ELP5: variants seen among roughly 807,000 people sequenced by gnomAD.
ELP5 encodes the protein elongator acetyltransferase complex subunit 5, also known as elongator complex protein 5.
ELP5 carries 34 observed loss-of-function variants against 33.4 expected under a neutral mutation model. That is an observed-to-expected ratio of 1.02 (90% confidence interval 0.78 to 1.36). The LOEUF (loss-of-function observed/expected upper bound fraction) is 1.36. ELP5 is among the 40% of genes most tolerant of loss of function. ELP5 has a pLI of 0.00. For missense variants in ELP5, 373 were observed against 371.7 expected, an observed-to-expected ratio of 1.00 and a Z score of -0.03; for synonymous variants, 161 against 146.4, an observed-to-expected ratio of 1.10 and a Z score of -0.72.
chr17:7,255,467 G>T (rs1208799231), intron 4 of ELP5, among the ~76,000 whole-genome samples: 3 of 151,816 alleles, frequency 2.0e-5, no homozygotes, highest in Non-Finnish European at 4.4e-5. Flanking sequence ...GGTGGAGCTT[G>T]CAGTGAGCTG....
chr17:7,259,538 T>G, intron 7 of ELP5, 33 bp from the exon 8 acceptor site: 1 of 1,613,344 alleles, frequency 6.2e-7, no homozygotes, highest in African/African-American at 1.3e-5. Flanking sequence ...ACCTGTTAGC[T>G]ACCCTCACCA....
chr17:7,257,061 G>T (rs749153850), intron 5 of ELP5, 23 bp downstream of exon 5: 1 of 1,527,944 alleles, frequency 6.5e-7, no homozygotes, highest in Non-Finnish European at 8.8e-7. Context: ...AACAGAGAAG[G>T]ACTGGAAACG....
upstream of ELP5, chr17:7,252,035 T>G (rs940625163): frequency 3.8e-5 from 8 of 209,296 alleles, no homozygotes; most frequent in African/African-American, 1.7e-4. Context: ...GGTGGTGACG[T>G]GTATTCGCTT....
At chr17:7,253,764 G>A (rs2072008344) in intron 3 of ELP5, among the ~76,000 whole-genome samples, 1 of 152,194 alleles carries the variant, frequency 6.6e-6, no homozygotes, top group South Asian at 2.1e-4. Context: ...GGGAGGCTGA[G>A]GCGGGTGGAT....
chr17:7,252,907 C>G lies in ELP5; in HGVS notation c.108-11C>G, dbSNP rs201939457. On this transcript the variant is annotated splice_polypyrimidine_tract_variant and intron_variant, in intron 2 of 7. Coordinates refer to ENST00000396628, the MANE Select transcript of ELP5 (RefSeq NM_203414.3). ...CCACTCTTTGACAATCCCTTCTCAT[C>G]TCTGCCTTAGTGGGGAGCAAGTGCA... 17 of 1,614,084 alleles carry G rather than the reference C, an allele frequency of 1.1e-5. No individual in the cohort carries two copies. The African/African-American group carries it at 1.9e-4, about 18-fold the overall frequency.
rs770962631 is a variant in ELP5, at chr17:7,254,594, A to G, written c.200A>G (p.His67Arg). The change falls in exon 4 of 8, where the codon CAT becomes CGT. Residue 67 changes from histidine to arginine, a missense_variant. His to Arg is a conservative substitution (Grantham distance 29). Coordinates refer to ENST00000396628, the MANE Select transcript of ELP5 (RefSeq NM_203414.3). ...TTTTCCCTTTGCAGGCTGGTTTACC[A>G]TGACTTCTTCAGAGACCCTCTCAAC... ...DSDINNRLVYHDFFRDPLNWS... is the reference protein window; with the variant it reads ...DSDINNRLVYRDFFRDPLNWS... 4 of 1,611,042 alleles carry G rather than the reference A, an allele frequency of 2.5e-6. No homozygotes were observed. The highest frequency in any genetic ancestry group is 1.7e-5 in the Admixed American group (1 of 59,926).
At chr17:7,254,942 T>G in intron 4 of ELP5, 139 bp downstream of exon 4, 1 of 527,084 alleles carries the variant, frequency 1.9e-6, no homozygotes, top group Non-Finnish European at 3.2e-6. Flanking sequence ...TTTGTCTGTT[T>G]TTTTTTTTTT....
At chr17:7,251,821 A>AGGG (rs1452821508), upstream of ELP5, 3 of 22,892 alleles carry the variant, frequency 1.3e-4, no homozygotes, top group East Asian at 1.5e-3. Flanking sequence ...GGAGCAGGGA[A>AGGG]GGAGGGGGAG....
chr17:7,256,732 C>T, intron 4 of ELP5, 125 bp from the exon 5 acceptor site: 1 of 928,488 alleles, frequency 1.1e-6, no homozygotes, highest in Non-Finnish European at 1.7e-6. Flanking sequence ...GTGAGATTGG[C>T]CAAGGGACGT....
At position 7,256,813 on chromosome 17, in the gene ELP5, A is replaced by G. The variant is rs1295672870; in HGVS notation, c.410-44A>G. 9 of 1,602,724 alleles carry G rather than the reference A, an allele frequency of 5.6e-6. No individual in the cohort carries two copies. The South Asian group carries it at 8.8e-5, about 16-fold the overall frequency. ...TTCACTGTTAGCTCCCAGGCCACCAACCTGAATGCTCCCTACTATCCTACA... is the reference window on the plus strand; with the variant it reads ...TTCACTGTTAGCTCCCAGGCCACCAGCCTGAATGCTCCCTACTATCCTACA... On this transcript the variant is annotated intron_variant, in intron 4 of 7. Coordinates refer to ENST00000396628, the MANE Select transcript of ELP5 (RefSeq NM_203414.3).
chr17:7,252,836 T>C lies in ELP5; in HGVS notation c.107+6T>C. ...GTCAAGAAATCTGCACTGTGGTGAGTATCCCACAGTGTCTCCCCGGCCTAC... is the reference window on the plus strand; with the variant it reads ...GTCAAGAAATCTGCACTGTGGTGAGCATCCCACAGTGTCTCCCCGGCCTAC... On this transcript the variant is annotated splice_donor_region_variant and intron_variant, in intron 2 of 7. Coordinates refer to ENST00000396628, the MANE Select transcript of ELP5 (RefSeq NM_203414.3). 6.2e-7 allele frequency: 1 copy of C among 1,614,096 alleles called. No individual in the cohort carries two copies. The highest frequency in any genetic ancestry group is 8.5e-7 in the Non-Finnish European group (1 of 1,179,962).
chr17:7,254,535 C>T (rs1255191770), intron 3 of ELP5, 48 bp from the exon 4 acceptor site: 3 of 1,415,330 alleles, frequency 2.1e-6, no homozygotes, highest in Non-Finnish European at 2.9e-6. Flanking sequence ...TTGTGATCCT[C>T]TCGGGGGAAG....
intron 7 of ELP5, chr17:7,259,219 G>C: frequency 7.2e-7 from 1 of 1,381,462 alleles, no homozygotes; most frequent in Non-Finnish European, 9.4e-7. Flanking sequence ...CTAGGCAGTG[G>C]TGCTAGGAGG....
Position 7,252,977 on chromosome 17 carries a change from T to G in ELP5, c.167T>G (p.Phe56Cys). 6.2e-7 allele frequency: 1 copy of G among 1,614,216 alleles called. No individual in the cohort carries two copies. Among genetic ancestry groups the G allele is most frequent in the Non-Finnish European group, 8.5e-7 (1 of 1,180,028 alleles). ...AGCGAGGAAGAGTTTCGTGAAGGTT[T>G]TGACTCTGATATCAACAATCGGTAA... is the stretch of plus-strand genomic sequence containing the variant. Reference protein sequence around the residue: ...EVSEEEFREGFDSDINNRLVY... With the variant: ...EVSEEEFREGCDSDINNRLVY... Residue 56 changes from phenylalanine to cysteine, a missense_variant, in exon 3 of 8, where the codon TTT becomes TGT. Coordinates refer to ENST00000396628, the MANE Select transcript of ELP5 (RefSeq NM_203414.3).
upstream of ELP5, chr17:7,252,041 C>G (rs559581325): frequency 4.7e-6 from 1 of 214,466 alleles, no homozygotes; most frequent in Non-Finnish European, 9.7e-6. Context: ...GACGTGTATT[C>G]GCTTCACCGG....
intron 3 of ELP5, among the ~76,000 whole-genome samples, chr17:7,253,418 A>G (rs1335100830): frequency 6.6e-6 from 1 of 152,230 alleles, no homozygotes; most frequent in African/African-American, 2.4e-5. Flanking sequence ...GGTTTAAGGC[A>G]GTGGCAGTAG....
At chr17:7,251,858 G>T, upstream of ELP5, 1 of 155,140 alleles carries the variant, frequency 6.4e-6, no homozygotes, top group Non-Finnish European at 1.4e-5. Context: ...CAGAGCGCTG[G>T]GCCGGAGCGG....
intron 3 of ELP5, among the ~76,000 whole-genome samples, chr17:7,253,793 C>T (rs1392604968): frequency 2.0e-5 from 3 of 152,032 alleles, no homozygotes; most frequent in African/African-American, 4.8e-5. Flanking sequence ...GTCTGGAGTT[C>T]GAGACCAGCC....
Position 7,259,242 on chromosome 17 carries a change from A to T in ELP5, c.788+316A>T, listed in dbSNP as rs2072155154. On this transcript the variant is annotated intron_variant, in intron 7 of 7. Transcript: ENST00000396628. ...TGGTGCTAGGAGGACAGAAGGCTAT[A>T]TGGGCGTGGCAGAGGCTGGTTAACA... 2.2e-6 allele frequency: 3 copies of T among 1,371,380 alleles called. No individual in the cohort carries two copies. The African/African-American group carries it at 4.4e-5, about 20-fold the overall frequency. The allele number at this position is 1,371,380 out of a possible 1,614,324, so 85.0% of individuals were successfully genotyped here.
Sources: gnomAD v4.1 joint callset for allele counts (sites outside exome capture counted in the v4.1 genomes callset) on GRCh38, gnomAD v4.1.1 for gene constraint, MANE v1.5 for transcripts, NCBI Gene and HGNC (gene_info 2026-07-23, HGNC 2026-07-21) for gene names.